The following INSR variants were observed in gnomAD, a reference collection of about 807,000 sequenced individuals.
The protein encoded by INSR is IR.
In INSR, 67 loss-of-function variants were observed where a neutral mutation model predicts 142.6. The ratio of observed to expected loss-of-function variants is 0.47; its 90% CI spans 0.39 to 0.58. The LOEUF is 0.58. Ranked by LOEUF, INSR falls within the 20% of genes least tolerant of loss-of-function variation. The probability of loss-of-function intolerance (pLI) is 0.00; values close to 1 mark genes in which losing one functional copy is unlikely to be tolerated. For missense variants in INSR, 1,248 were observed against 1,833.2 expected, an observed-to-expected ratio of 0.68 and a Z score of 5.83; for synonymous variants, 756 against 743.1, an observed-to-expected ratio of 1.02 and a Z score of -0.28.
chr19:7,153,199 ACACACAC>A (rs1387974511), intron 9 of INSR, among the ~76,000 whole-genome samples: 2 of 24,110 alleles, frequency 8.3e-5, no homozygotes, highest in African/African-American at 1.4e-4. Flanking sequence ...CACACACACC[ACACACAC>A]CACACACCAC....
intron 2 of INSR, among the ~76,000 whole-genome samples, chr19:7,255,794 G>A (rs1240111152): frequency 6.6e-6 from 1 of 151,934 alleles, no homozygotes; most frequent in Non-Finnish European, 1.5e-5. Flanking sequence ...TGCCCAGGCT[G>A]AGCTCGAATT....
intron 2 of INSR, among the ~76,000 whole-genome samples, chr19:7,244,092 C>T (rs1458701669): frequency 6.6e-6 from 1 of 152,100 alleles, no homozygotes; most frequent in African/African-American, 2.4e-5. Context: ...ACCTACCAAT[C>T]AATTTCACTA....
rs531124335 is a variant in INSR at position 7,203,498 on chromosome 19, G to T, written c.653-18861C>A. ...TGAGAGTTTGGAATCGATCTCCGTGGAAGGTCTGAATTGCAAGGCGGGTTT... is the reference window on the plus strand; with the variant it reads ...TGAGAGTTTGGAATCGATCTCCGTGTAAGGTCTGAATTGCAAGGCGGGTTT... On this transcript the variant is annotated intron_variant, in intron 2 of 21. Transcript: ENST00000302850. Among the ~76,000 whole-genome samples, 25 of 152,284 alleles carry T rather than the reference G, an allele frequency of 1.6e-4. 1 individual carries two copies. The South Asian group carries it at 5.0e-3, about 30-fold the overall frequency.
intron 2 of INSR, among the ~76,000 whole-genome samples, chr19:7,211,334 C>A (rs1975269329): frequency 6.6e-6 from 1 of 152,138 alleles, no homozygotes; most frequent in Non-Finnish European, 1.5e-5. Context: ...CTCTAAGCAC[C>A]AAGATGACAG....
chr19:7,243,173 C>T (rs1345200821), intron 2 of INSR, among the ~76,000 whole-genome samples: 2 of 150,332 alleles, frequency 1.3e-5, no homozygotes, highest in African/African-American at 4.9e-5. Context: ...AGATGAATCA[C>T]GGCCCATTTC....
chr19:7,288,720 T>C (rs1968410237), intron 1 of INSR, among the ~76,000 whole-genome samples: 2 of 147,682 alleles, frequency 1.4e-5, no homozygotes, highest in Admixed American at 1.4e-4. Flanking sequence ...CCCAGCACTC[T>C]GGGAGGCTGA....
chr19:7,264,886 C>T (rs963307424), intron 2 of INSR, among the ~76,000 whole-genome samples: 1 of 152,220 alleles, frequency 6.6e-6, no homozygotes, highest in Non-Finnish European at 1.5e-5. Context: ...AACCATCCAA[C>T]ATGTCCCATG....
At chr19:7,200,596 G>A (rs1974924806) in intron 2 of INSR, among the ~76,000 whole-genome samples, 1 of 150,578 alleles carries the variant, frequency 6.6e-6, no homozygotes, top group Non-Finnish European at 1.5e-5. Flanking sequence ...TCCAGCTAAT[G>A]GGGAGGCTGA....
At chr19:7,270,815 C>A (rs562700736) in intron 1 of INSR, among the ~76,000 whole-genome samples, 1 of 151,284 alleles carries the variant, frequency 6.6e-6, no homozygotes, top group South Asian at 2.1e-4. Flanking sequence ...AATCCCAGCA[C>A]TTTGGGAGGC....
At position 7,119,673 on chromosome 19, in the gene INSR, C is replaced by T; in HGVS notation, c.3660-90G>A. On this transcript the variant is annotated intron_variant, in intron 20 of 21. Transcript: ENST00000302850. This position sits in a 1 kb window ranked among gnomAD's most constrained non-coding sequence, Gnocchi z 5.2. ...GCAAACACACACACGCAAACGCACA[C>T]ACACACGCAAACACACATGCCAACA... 6.9e-7 allele frequency: 1 copy of T among 1,440,280 alleles called. No individual in the cohort carries two copies. The highest frequency in any genetic ancestry group is 9.6e-7 in the Non-Finnish European group (1 of 1,036,290). The allele number at this position is 1,440,280 out of a possible 1,614,324, so 89.2% of individuals were successfully genotyped here.
At chr19:7,268,007 T>C (rs766626159) in intron 1 of INSR, 111 bp from the exon 2 acceptor site, 3 of 934,438 alleles carry the variant, frequency 3.2e-6, no homozygotes, top group Non-Finnish European at 5.1e-6. Flanking sequence ...GGGCCCTGTG[T>C]TTTCATCCCG....
chr19:7,137,649 G>A (rs1216306887), intron 13 of INSR, among the ~76,000 whole-genome samples: 2 of 151,818 alleles, frequency 1.3e-5, no homozygotes, highest in Non-Finnish European at 2.9e-5. Flanking sequence ...TTAGCTGGGT[G>A]TGGTCGTGGG....
chr19:7,218,377 G>T (rs188981481), intron 2 of INSR, among the ~76,000 whole-genome samples: 96 of 152,150 alleles, frequency 6.3e-4, no homozygotes, highest in African/African-American at 2.2e-3. Context: ...TCATCTAAGA[G>T]AAATCAAATC....
chr19:7,165,755 C>T (rs971323544), intron 8 of INSR, among the ~76,000 whole-genome samples: 1 of 150,894 alleles, frequency 6.6e-6, no homozygotes, highest in African/African-American at 2.4e-5. Flanking sequence ...CCCAGCTACT[C>T]AGGAGGCTGA....
In INSR at chr19:7,267,204, T is replaced by C. The variant is rs1184962162; in HGVS notation, c.652+141A>G. 2 of 840,106 alleles carry C rather than the reference T, an allele frequency of 2.4e-6. No individual in the cohort carries two copies. The highest frequency in any genetic ancestry group is 3.9e-6 in the Non-Finnish European group (2 of 508,434). 52.0% of individuals were successfully genotyped at this position (840,106 alleles called of 1,614,324 possible). A position where few individuals can be genotyped will look rare whatever the true frequency, so the allele number is the denominator to read the frequency against. On this transcript the variant is annotated intron_variant, in intron 2 of 21. Transcript: ENST00000302850. The surrounding 1 kb of genome is among the most constrained non-coding windows in gnomAD (Gnocchi z 6.3). ...AGTCTTTACAGAAAATGTCTGCCAC[T>C]CCCTGGGCTAGTGAATGCCACCACC...
intron 2 of INSR, among the ~76,000 whole-genome samples, chr19:7,207,310 G>A (rs911075008): frequency 1.3e-5 from 2 of 152,096 alleles, no homozygotes; most frequent in East Asian, 1.9e-4. Flanking sequence ...CCAGCTGCTC[G>A]GGAGGCTGAG....
intron 3 of INSR, 42 bp from the exon 4 acceptor site, chr19:7,174,773 G>T (rs1974098901): frequency 6.3e-7 from 1 of 1,593,404 alleles, no homozygotes; most frequent in African/African-American, 1.3e-5. Flanking sequence ...AAAGGGGAGG[G>T]GGGTGTCACG....
At chr19:7,175,477 C>T (rs1035738829) in intron 3 of INSR, among the ~76,000 whole-genome samples, 3 of 152,066 alleles carry the variant, frequency 2.0e-5, no homozygotes, top group African/African-American at 4.8e-5. Context: ...GGATATTGAG[C>T]GGCATCCCTA....
At chr19:7,121,600 G>A (rs1319841413) in intron 19 of INSR, among the ~76,000 whole-genome samples, 1 of 151,902 alleles carries the variant, frequency 6.6e-6, no homozygotes, top group Non-Finnish European at 1.5e-5. Context: ...CTGAGTAGCT[G>A]GGACCACAGG....
Sources: allele counts gnomAD v4.1 joint callset (sites outside exome capture counted in the v4.1 genomes callset), GRCh38; gene constraint gnomAD v4.1.1; non-coding constraint Gnocchi (gnomAD v3.1); transcripts MANE v1.5; gene names NCBI Gene and HGNC (gene_info 2026-07-23, HGNC 2026-07-21).